The following SLC17A1 variants were observed in gnomAD, a reference collection of about 807,000 sequenced individuals.
SLC17A1 encodes the protein sodium-dependent phosphate transport protein 1.
SLC17A1 carries 51 observed loss-of-function variants against 53.5 expected under a neutral mutation model. That is an observed-to-expected ratio of 0.95 (90% CI 0.76 to 1.20). SLC17A1 has a LOEUF of 1.20. Ranked by LOEUF, SLC17A1 falls within the 50% of genes most tolerant of loss-of-function variation. The pLI is 0.00. For missense variants in SLC17A1, 538 were observed against 568.2 expected (o/e 0.95, Z 0.54); for synonymous variants, 179 against 198.8 (o/e 0.90, Z 0.84).
At chr6:25,817,434 A>G (rs1194960865) in intron 6 of SLC17A1, among the ~76,000 whole-genome samples, 1 of 152,204 alleles carries the variant, frequency 6.6e-6, no homozygotes. Context: ...ATTCCTAAAC[A>G]GCTGTCATCT....
the SLC17A1 span, among the ~76,000 whole-genome samples, chr6:25,762,879 C>A: frequency 1.3e-4 from 20 of 152,190 alleles, no homozygotes; most frequent in African/African-American, 4.8e-4. Context: ...GTCTACTAGA[C>A]TATACCATTG....
At chr6:25,769,886 C>T in the SLC17A1 span, among the ~76,000 whole-genome samples, 6 of 151,816 alleles carry the variant, frequency 4.0e-5, no homozygotes, top group East Asian at 3.9e-4. Flanking sequence ...TCAGGGTGAG[C>T]GGAAAGAGTA....
At chr6:25,798,716 A>T (rs193099368) in intron 12 of SLC17A1, 67 bp downstream of exon 12, 1 of 1,451,606 alleles carries the variant, frequency 6.9e-7, no homozygotes, top group East Asian at 2.3e-5. Flanking sequence ...CTGAGGAGTC[A>T]TCCTTATCTC....
intron 6 of SLC17A1, among the ~76,000 whole-genome samples, chr6:25,814,833 A>T (rs1379035410): frequency 1.3e-5 from 2 of 152,078 alleles, no homozygotes; most frequent in Non-Finnish European, 2.9e-5. Context: ...AAAATACAAA[A>T]AAATTAGCCG....
the SLC17A1 span, chr6:25,776,758 G>A: frequency 3.1e-4 from 507 of 1,613,912 alleles, 2 homozygotes; most frequent in Middle Eastern, 2.8e-3. Context: ...AGGGGTGAAC[G>A]TGGGAAGCTC....
Position 25,819,564 on chromosome 6 carries a change from A to G in SLC17A1, c.476T>C (p.Val159Ala). Residue 159 changes from valine (V) to alanine (A), a missense_variant, in exon 5 of 13, where the codon GTC (valine) becomes GCC (alanine). Coordinates refer to ENST00000244527, the MANE Select transcript of SLC17A1 (RefSeq NM_005074.5). ...IVATAQFEIY[V>A]KWAPPLERGR... ...TCGTTCCAGGGGAGGAGCCCATTTGACATATATTTCAAACTGGGCTGTTGC... is the reference window on the plus strand; with the variant it reads ...TCGTTCCAGGGGAGGAGCCCATTTGGCATATATTTCAAACTGGGCTGTTGC... 1 of 1,614,174 alleles carries G rather than the reference A, an allele frequency of 6.2e-7. No individual in the cohort carries two copies. The highest frequency in any genetic ancestry group is 8.5e-7 in the Non-Finnish European group (1 of 1,179,994).
the SLC17A1 span, chr6:25,761,955 G>A: frequency 1.2e-6 from 2 of 1,612,074 alleles, no homozygotes; most frequent in Admixed American, 3.3e-5. Context: ...TAGGAAGAGA[G>A]AACCAAAATG....
the SLC17A1 span, chr6:25,773,674 T>G: frequency 6.2e-7 from 1 of 1,612,826 alleles, no homozygotes; most frequent in Non-Finnish European, 8.5e-7. Flanking sequence ...ACCTCAGAGA[T>G]GTAAGTACAG....
Position 25,826,497 on chromosome 6 carries a change from G to A in SLC17A1, c.171C>T (p.Pro57=), listed in dbSNP as rs927789287. 1.2e-6 allele frequency: 2 copies of A among 1,610,422 alleles called. No individual in the cohort carries two copies. The highest frequency in any genetic ancestry group is 1.3e-5 in the African/African-American group (1 of 74,674). ...MVNSTDPHGL[P]NTSTKKLLDN... Reference sequence around the variant, plus strand: ...CCAGGAGCTTCTTTGTGGAGGTGTTGGGCAAACCATGTGGATCTGTGCTAT... The same window carrying A: ...CCAGGAGCTTCTTTGTGGAGGTGTTAGGCAAACCATGTGGATCTGTGCTAT... The change falls in exon 3 of 13, where the codon CCC becomes CCT. Residue 57 remains proline, a synonymous_variant. Coordinates refer to ENST00000244527, the MANE Select transcript of SLC17A1 (RefSeq NM_005074.5).
chr6:25,781,200 GAAAAGAA>G (rs1391067969), downstream of SLC17A1: 226 of 98,110 alleles, frequency 2.3e-3, no homozygotes, highest in African/African-American at 8.0e-3. Context: ...AAGAAAGAAA[GAAAAGAA>G]AGAGAGAGAG....
intron 12 of SLC17A1, among the ~76,000 whole-genome samples, chr6:25,793,815 A>T (rs937570856): frequency 1.3e-5 from 2 of 152,218 alleles, no homozygotes; most frequent in Non-Finnish European, 2.9e-5. Flanking sequence ...ACATCATAGC[A>T]GTGGTAGTAC....
At chr6:25,811,188 A>G (rs542831693) in intron 10 of SLC17A1, among the ~76,000 whole-genome samples, 10 of 152,202 alleles carry the variant, frequency 6.6e-5, no homozygotes, top group African/African-American at 2.4e-4. Flanking sequence ...GTATAAAACA[A>G]TGTATTATAT....
At chr6:25,732,073 T>A in the SLC17A1 span, 2 of 1,192,284 alleles carry the variant, frequency 1.7e-6, no homozygotes, top group Non-Finnish European at 1.1e-6. Context: ...CGGCATCTCT[T>A]GCGCTTTTTG....
chr6:25,830,472 G>T, intron 2 of SLC17A1, 52 bp downstream of exon 2: 1 of 1,295,992 alleles, frequency 7.7e-7, no homozygotes, highest in Non-Finnish European at 1.1e-6. Flanking sequence ...AATCTGTGAT[G>T]TAATATTTAA....
At chr6:25,745,471 G>T in the SLC17A1 span, among the ~76,000 whole-genome samples, 2 of 152,298 alleles carry the variant, frequency 1.3e-5, no homozygotes, top group Admixed American at 1.3e-4. Context: ...CGAAATACGT[G>T]TATGGAGGAC....
At chr6:25,727,107 T>G in the SLC17A1 span, 1 of 1,614,230 alleles carries the variant, frequency 6.2e-7, no homozygotes, top group Admixed American at 1.7e-5. Flanking sequence ...TATGAATTCC[T>G]TCGTCACTGA....
chr6:25,781,365 CA>C (rs1310820623), downstream of SLC17A1, among the ~76,000 whole-genome samples: 2 of 151,632 alleles, frequency 1.3e-5, no homozygotes, highest in African/African-American at 2.4e-5. Flanking sequence ...AGAATGTTTC[CA>C]AAAAAAGTGA....
chr6:25,826,404 A>G (rs1412003071), intron 3 of SLC17A1, 57 bp downstream of exon 3: 40 of 1,396,416 alleles, frequency 2.9e-5, no homozygotes, highest in Non-Finnish European at 3.4e-5. Flanking sequence ...ATCTACACAA[A>G]TTAGTTAGCA....
chr6:25,824,166 G>A (rs929955349), intron 3 of SLC17A1, among the ~76,000 whole-genome samples: 1 of 151,548 alleles, frequency 6.6e-6, no homozygotes, highest in Admixed American at 6.6e-5. Context: ...TTTTGATCTT[G>A]GGTTATGCAA....
Sources: gnomAD v4.1 joint callset for allele counts (sites outside exome capture counted in the v4.1 genomes callset) on GRCh38, gnomAD v4.1.1 for gene constraint, MANE v1.5 for transcripts, NCBI Gene and HGNC (gene_info 2026-07-23, HGNC 2026-07-21) for gene names.